The following ELP4 variants were observed in gnomAD, a reference collection of about 807,000 sequenced individuals.
ELP4 encodes elongator acetyltransferase complex subunit 4.
ELP4 carries 51 observed loss-of-function variants against 48.9 expected under a neutral mutation model. That is an observed-to-expected ratio of 1.04 (90% CI 0.83 to 1.32). The LOEUF (loss-of-function observed/expected upper bound fraction) is 1.32. Ranked by LOEUF, ELP4 falls within the 40% of genes most tolerant of loss-of-function variation. ELP4 has a pLI of 0.00. For synonymous variants in ELP4, 210 were observed against 189.2 expected (o/e 1.11, Z -0.90); for missense variants, 519 against 514.6 (o/e 1.01, Z -0.08).
At chr11:31,632,069 C>CT in intron 6 of ELP4, 148 bp from the exon 7 acceptor site, 1 of 559,084 alleles carries the variant, frequency 1.8e-6, no homozygotes, top group Non-Finnish European at 3.1e-6. Context: ...ATTTATACTG[C>CT]TTTATGTACT....
At chr11:31,546,973 C>A (rs1956735163) in intron 3 of ELP4, among the ~76,000 whole-genome samples, 1 of 151,762 alleles carries the variant, frequency 6.6e-6, no homozygotes, top group Non-Finnish European at 1.5e-5. Flanking sequence ...ATCTCTGGGA[C>A]ACATTCAAAG....
chr11:31,702,151 T>A (rs1049110013), intron 9 of ELP4, among the ~76,000 whole-genome samples: 20 of 151,896 alleles, frequency 1.3e-4, no homozygotes, highest in Non-Finnish European at 2.4e-4. Context: ...AACAAGTAAT[T>A]AGACTTGAGC....
At chr11:31,733,547 A>G (rs746533445) in intron 9 of ELP4, among the ~76,000 whole-genome samples, 14 of 152,026 alleles carry the variant, frequency 9.2e-5, no homozygotes, top group Non-Finnish European at 1.9e-4. Context: ...CTACAGAAGT[A>G]AAAAGGATTA....
At chr11:31,659,780 G>T (rs1945514843) in intron 9 of ELP4, among the ~76,000 whole-genome samples, 2 of 152,020 alleles carry the variant, frequency 1.3e-5, no homozygotes. Flanking sequence ...TTGAGGTCAG[G>T]GGTTCGAGAC....
At chr11:31,634,341 A>G (rs1232090417) in intron 7 of ELP4, 2 of 152,092 alleles carry the variant, frequency 1.3e-5, no homozygotes, top group African/African-American at 2.4e-5. Context: ...TCTAGACAAG[A>G]GAGAAAAAAG....
Position 31,622,322 on chromosome 11 carries a change from A to G in ELP4, c.654-4788A>G, listed in dbSNP as rs191701145. Among the ~76,000 whole-genome samples, 603 of 151,686 alleles carry G rather than the reference A, an allele frequency of 4.0e-3. 4 individuals carry two copies. The highest frequency in any genetic ancestry group is 0.014 in the African/African-American group (576 of 41,468). The stretch of plus-strand genomic sequence containing the variant: ...CAGTGTTGTATATTGTTCTTTACTC[A>G]TATTTAAATATTTTTGTATTAAACC... On this transcript the variant is annotated intron_variant, in intron 5 of 9. Transcript: ENST00000640961.
At chr11:31,665,167 C>T (rs770386444) in intron 9 of ELP4, among the ~76,000 whole-genome samples, 6 of 152,102 alleles carry the variant, frequency 3.9e-5, no homozygotes, top group Non-Finnish European at 8.8e-5. Flanking sequence ...CTGTCTCAAC[C>T]AAACCACCCT....
At chr11:31,597,755 A>G (rs1245528748) in intron 4 of ELP4, among the ~76,000 whole-genome samples, 2 of 151,772 alleles carry the variant, frequency 1.3e-5, no homozygotes, top group Admixed American at 1.3e-4. Context: ...TATTTTTCGT[A>G]GAGATGGCGT....
At chr11:31,574,621 T>G (rs1442798636) in intron 3 of ELP4, among the ~76,000 whole-genome samples, 1 of 152,170 alleles carries the variant, frequency 6.6e-6, no homozygotes, top group African/African-American at 2.4e-5. Context: ...CATCTGCCGT[T>G]CTGCAATATT....
chr11:31,544,264 G>C (rs924371799), intron 3 of ELP4, among the ~76,000 whole-genome samples: 17 of 152,256 alleles, frequency 1.1e-4, no homozygotes, highest in African/African-American at 4.1e-4. Context: ...AGGGGTGACA[G>C]ACGGCACCTG....
At chr11:31,527,772 A>G (rs1269337905) in intron 2 of ELP4, among the ~76,000 whole-genome samples, 1 of 152,102 alleles carries the variant, frequency 6.6e-6, no homozygotes, top group Non-Finnish European at 1.5e-5. Flanking sequence ...GAAGCTAATC[A>G]TAGTATATCT....
intron 6 of ELP4, among the ~76,000 whole-genome samples, chr11:31,630,811 G>A (rs1004820316): frequency 9.9e-5 from 15 of 152,198 alleles, no homozygotes; most frequent in African/African-American, 3.6e-4. Context: ...TAGATCTGGT[G>A]GCACATGCAC....
intron 2 of ELP4, among the ~76,000 whole-genome samples, chr11:31,530,095 C>T (rs1956369280): frequency 6.6e-6 from 1 of 152,174 alleles, no homozygotes; most frequent in Non-Finnish European, 1.5e-5. Flanking sequence ...TTAGAACTTC[C>T]TTTTCTCACT....
chr11:31,658,800 G>T (rs1354665413), intron 9 of ELP4, among the ~76,000 whole-genome samples: 1 of 151,850 alleles, frequency 6.6e-6, no homozygotes, highest in African/African-American at 2.4e-5. Flanking sequence ...TTTAATAAGG[G>T]TCTACTGAAT....
intron 9 of ELP4, among the ~76,000 whole-genome samples, chr11:31,660,736 C>T (rs1394895484): frequency 6.6e-6 from 1 of 151,754 alleles, no homozygotes; most frequent in Non-Finnish European, 1.5e-5. Flanking sequence ...ATAAAACTAG[C>T]ATGTTTCAAA....
chr11:31,701,555 T>A (rs1291603390), intron 9 of ELP4, among the ~76,000 whole-genome samples: 1 of 151,910 alleles, frequency 6.6e-6, no homozygotes, highest in East Asian at 1.9e-4. Context: ...CAAAAGCTAT[T>A]GCCTAAACAT....
At chr11:31,783,033 A>G (rs1948414804) in intron 9 of ELP4, among the ~76,000 whole-genome samples, 1 of 152,230 alleles carries the variant, frequency 6.6e-6, no homozygotes, top group South Asian at 2.1e-4. Flanking sequence ...AAAAAGAAAA[A>G]AGACATCTGC....
intron 9 of ELP4, among the ~76,000 whole-genome samples, chr11:31,673,369 C>T (rs953973500): frequency 2.6e-5 from 4 of 151,938 alleles, no homozygotes; most frequent in African/African-American, 9.7e-5. Flanking sequence ...CTTGCTCTGT[C>T]ACCCAGGCTG....
At chr11:31,629,714 CAA>C (rs1359503536) in intron 6 of ELP4, among the ~76,000 whole-genome samples, 1 of 150,752 alleles carries the variant, frequency 6.6e-6, no homozygotes, top group African/African-American at 2.4e-5. Flanking sequence ...ACAGAGAAAA[CAA>C]TATTATCCTG....
Sources: allele counts gnomAD v4.1 joint callset (sites outside exome capture counted in the v4.1 genomes callset), GRCh38; gene constraint gnomAD v4.1.1; transcripts MANE v1.5; gene names NCBI Gene and HGNC (gene_info 2026-07-23, HGNC 2026-07-21).